Variants in DSCAM observed in about 807,000 individuals in gnomAD.
DSCAM encodes the protein DS cell adhesion molecule, also known as cell adhesion molecule DSCAM.
Under a neutral mutation model 217.7 loss-of-function variants are expected in DSCAM, and 47 were observed. The ratio of observed to expected loss-of-function variants is 0.22; its 90% confidence interval spans 0.17 to 0.28. The LOEUF (loss-of-function observed/expected upper bound fraction) is 0.28. DSCAM is among the 10% of genes least tolerant of loss of function. The pLI is 1.00. For synonymous variants in DSCAM, 1,056 were observed against 1,015.3 expected, an observed-to-expected ratio of 1.04 and a Z score of -0.76; for missense variants, 2,080 against 2,618.3, an observed-to-expected ratio of 0.79 and a Z score of 4.49.
chr21:40,829,705 G>A (rs979214027), intron 1 of DSCAM, among the ~76,000 whole-genome samples: 2 of 152,070 alleles, frequency 1.3e-5, no homozygotes, highest in East Asian at 1.9e-4. Flanking sequence ...AATTTGGAGG[G>A]TTTAATTTTT....
In DSCAM at chr21:40,575,251, G is replaced by T. The variant is rs534216911; in HGVS notation, c.508+117559C>A. Among the ~76,000 whole-genome samples, 64 of 147,262 alleles carry T rather than the reference G, an allele frequency of 4.3e-4. 1 individual carries two copies. Among genetic ancestry groups the T allele is most frequent in the Admixed American group, 2.9e-3 (42 of 14,356 alleles). Reference sequence around the variant, plus strand: ...TCCAGAGAACAACCCCCCTTTGACTGTAATTTTCCTTTACCTACCCAAATC... The same window carrying T: ...TCCAGAGAACAACCCCCCTTTGACTTTAATTTTCCTTTACCTACCCAAATC... On this transcript the variant is annotated intron_variant, in intron 3 of 32. Coordinates refer to ENST00000400454, the MANE Select transcript of DSCAM (RefSeq NM_001389.5).
rs779957774 is a variant in DSCAM at position 40,087,232 on chromosome 21, G to C, written c.3906C>G (p.Asp1302Glu). 1.2e-6 allele frequency: 2 copies of C among 1,614,154 alleles called. No individual in the cohort carries two copies. The highest frequency in any genetic ancestry group is 2.2e-5 in the South Asian group (2 of 91,084). Reference protein sequence around the residue: ...SGTVTTPWMKDIVLPCKAVGD... With the variant: ...SGTVTTPWMKEIVLPCKAVGD... ...CAACAGCCTTACAAGGCAAGACAAT[G>C]TCTTTCATCCATGGAGTAGTCACTG... is the stretch of plus-strand genomic sequence containing the variant. The change falls in exon 22 of 33, where the codon GAC (aspartate) becomes GAG (glutamate). Residue 1302 changes from aspartate to glutamate, a missense_variant. Asp to Glu is a conservative substitution (Grantham distance 45). Around this residue, in one of 5 missense-constraint regions of DSCAM, gnomAD observed 1,144 missense variants for 1,421.1 expected, o/e 0.81. Transcript: ENST00000400454.
chr21:40,322,045 T>C (rs1569062595), intron 8 of DSCAM, among the ~76,000 whole-genome samples: 1 of 152,190 alleles, frequency 6.6e-6, no homozygotes, highest in Non-Finnish European at 1.5e-5. Flanking sequence ...ATGCCCAGAA[T>C]TAGATAAATG....
chr21:40,469,953 A>T (rs983008358), intron 3 of DSCAM, among the ~76,000 whole-genome samples: 3 of 152,198 alleles, frequency 2.0e-5, no homozygotes, highest in Non-Finnish European at 4.4e-5. Context: ...GAATAATGTA[A>T]TCCCATATAT....
chr21:40,668,210 C>G (rs978200917), intron 3 of DSCAM, among the ~76,000 whole-genome samples: 6 of 152,168 alleles, frequency 3.9e-5, no homozygotes, highest in Non-Finnish European at 8.8e-5. Flanking sequence ...TACACTAGTC[C>G]CTGCACTGGG....
chr21:40,573,133 C>T (rs568622359), intron 3 of DSCAM, among the ~76,000 whole-genome samples: 10 of 152,060 alleles, frequency 6.6e-5, no homozygotes, highest in Non-Finnish European at 1.3e-4. Context: ...GTCAGGAGAT[C>T]GAGACCATCC....
At chr21:40,033,650 G>A (rs1476508052) in intron 32 of DSCAM, among the ~76,000 whole-genome samples, 1 of 151,850 alleles carries the variant, frequency 6.6e-6, no homozygotes. Flanking sequence ...CAGCCAGGAA[G>A]CTCGAACTGG....
intron 5 of DSCAM, among the ~76,000 whole-genome samples, chr21:40,352,787 C>G (rs1283651666): frequency 6.6e-6 from 1 of 152,154 alleles, no homozygotes; most frequent in African/African-American, 2.4e-5. Flanking sequence ...TCTGCAAGAG[C>G]AAAATTGAGG....
At chr21:40,305,881 C>T (rs1036218694) in intron 9 of DSCAM, among the ~76,000 whole-genome samples, 14 of 152,160 alleles carry the variant, frequency 9.2e-5, no homozygotes, top group African/African-American at 3.4e-4. Context: ...AGCATGATGC[C>T]TCCAGCTTTG....
At chr21:40,294,994 AG>A (rs2073938114) in intron 10 of DSCAM, among the ~76,000 whole-genome samples, 1 of 152,192 alleles carries the variant, frequency 6.6e-6, no homozygotes, top group Non-Finnish European at 1.5e-5. Flanking sequence ...CCTTCTCAAA[AG>A]AGAGATGCCA....
rs567074583 is a variant in DSCAM at position 40,133,947 on chromosome 21, T to C, written c.3469A>G (p.Lys1157Glu). 1.9e-5 allele frequency: 31 copies of C among 1,613,350 alleles called. No homozygotes were observed. Among genetic ancestry groups the C allele is most frequent in the Non-Finnish European group, 2.5e-5 (30 of 1,179,752 alleles). ...ACCTGGATGCTGTAGTTGGTGTACT[T>C]TTCCAGCCCGTCCAGCTCCAGTGAA... ...QPSLELDGLE[K>E]YTNYSIQVLA... The change falls in exon 19 of 33, where the codon AAG (lysine) becomes GAG (glutamate). Residue 1157 changes from lysine to glutamate, a missense_variant. Lys to Glu is a moderately conservative substitution (Grantham distance 56). This residue lies in a region of DSCAM where 1,144 missense variants were observed against 1,421.1 expected (regional missense o/e 0.81). Transcript: ENST00000400454.
At chr21:40,577,493 G>C (rs1043627918) in intron 3 of DSCAM, among the ~76,000 whole-genome samples, 1 of 152,124 alleles carries the variant, frequency 6.6e-6, no homozygotes. Context: ...GGGGGAGCCC[G>C]GAGCGAGACT....
At position 40,297,706 on chromosome 21, in the gene DSCAM, A is replaced by C. The variant is rs904764296; in HGVS notation, c.2063-1532T>G. The stretch of plus-strand genomic sequence containing the variant: ...GGAAGGGAAAATGTCAAGACACAAG[A>C]AGCAGCCAGAGATGGAATTCACCGC... On this transcript the variant is annotated intron_variant, in intron 9 of 32. Coordinates refer to ENST00000400454, the MANE Select transcript of DSCAM (RefSeq NM_001389.5). Among the ~76,000 whole-genome samples, 14 of 152,292 alleles carry C rather than the reference A, an allele frequency of 9.2e-5. No individual in the cohort carries two copies. In the South Asian group the frequency reaches 1.2e-3, roughly 14 times the overall value.
At chr21:40,257,297 T>A (rs781716109) in intron 11 of DSCAM, among the ~76,000 whole-genome samples, 1 of 152,242 alleles carries the variant, frequency 6.6e-6, no homozygotes, top group Non-Finnish European at 1.5e-5. Context: ...ATATGAAACC[T>A]AATAAAATAC....
intron 32 of DSCAM, among the ~76,000 whole-genome samples, chr21:40,023,297 T>G (rs1280301819): frequency 6.6e-6 from 1 of 152,150 alleles, no homozygotes; most frequent in Non-Finnish European, 1.5e-5. Context: ...GTTCCAAGTC[T>G]TTGCTATTGT....
chr21:40,803,942 C>T (rs559872932), intron 1 of DSCAM, among the ~76,000 whole-genome samples: 1 of 152,286 alleles, frequency 6.6e-6, no homozygotes, highest in African/African-American at 2.4e-5. Context: ...ATGACCATTT[C>T]TCCTTCTCTA....
At chr21:40,436,654 T>A (rs2145906068) in intron 3 of DSCAM, among the ~76,000 whole-genome samples, 1 of 152,248 alleles carries the variant, frequency 6.6e-6, no homozygotes, top group East Asian at 1.9e-4. Context: ...TGATGAGGGG[T>A]GTCAGGAACA....
chr21:40,435,833 T>C (rs1480218299), intron 3 of DSCAM, among the ~76,000 whole-genome samples: 1 of 152,194 alleles, frequency 6.6e-6, no homozygotes, highest in East Asian at 1.9e-4. Flanking sequence ...GTGATACCCA[T>C]TCAATAGAAA....
At chr21:40,045,398 A>G (rs2088827365) in intron 30 of DSCAM, among the ~76,000 whole-genome samples, 1 of 152,240 alleles carries the variant, frequency 6.6e-6, no homozygotes. Flanking sequence ...TATGGAGAAC[A>G]AAGGGTTAAG....
Sources: gnomAD v4.1 joint callset for allele counts (sites outside exome capture counted in the v4.1 genomes callset) on GRCh38, gnomAD v4.1.1 for gene constraint, gnomAD v4.1.1 regional missense constraint, MANE v1.5 for transcripts, NCBI Gene and HGNC (gene_info 2026-07-23, HGNC 2026-07-21) for gene names.